Variants in SLC14A2 observed in about 807,000 individuals in gnomAD.
The protein encoded by SLC14A2 is urea transporter 2.
Under a neutral mutation model 104.6 loss-of-function variants are expected in SLC14A2, and 91 were observed. The ratio of observed to expected loss-of-function variants is 0.87; its 90% CI spans 0.73 to 1.04. SLC14A2 has a LOEUF of 1.04. Among genes scored for constraint, SLC14A2 ranks in the 50% least tolerant of loss-of-function variants. The pLI, the probability that SLC14A2 is intolerant of heterozygous loss-of-function variation, is 0.00. For missense variants in SLC14A2, 1,189 were observed against 1,156.0 expected, an observed-to-expected ratio of 1.03 and a Z score of -0.41; for synonymous variants, 476 against 466.4, an observed-to-expected ratio of 1.02 and a Z score of -0.27.
the SLC14A2 span, among the ~76,000 whole-genome samples, chr18:45,185,688 A>T: frequency 0.24 from 36,327 of 152,106 alleles, 4,619 homozygotes; most frequent in Non-Finnish European, 0.3. Flanking sequence ...GAAAGAAAAA[A>T]ATAAAACTAT....
intron 1 of SLC14A2, among the ~76,000 whole-genome samples, chr18:45,242,202 G>A (rs181137106): frequency 1.6e-4 from 25 of 152,212 alleles, no homozygotes; most frequent in Middle Eastern, 3.4e-3. Context: ...GCTCTACTCC[G>A]TTTGTAATTT....
chr18:45,509,021 C>T (rs900581952), intron 2 of SLC14A2, among the ~76,000 whole-genome samples: 2 of 152,100 alleles, frequency 1.3e-5, no homozygotes, highest in Admixed American at 1.3e-4. Context: ...ACCCATGGCC[C>T]CAAACTCAGG....
chr18:45,445,468 T>A (rs2086752790), intron 1 of SLC14A2, among the ~76,000 whole-genome samples: 1 of 152,210 alleles, frequency 6.6e-6, no homozygotes, highest in Admixed American at 6.5e-5. Context: ...AACTGTTTAT[T>A]CTTTAGTGAT....
the SLC14A2 span, among the ~76,000 whole-genome samples, chr18:45,206,418 TACACACACACGTAC>T: frequency 1.3e-5 from 2 of 149,128 alleles, no homozygotes; most frequent in South Asian, 4.3e-4. Context: ...CACATACACA[TACACACACACGTAC>T]ACACACACAC....
At chr18:45,532,686 T>G (rs1243954715) in intron 2 of SLC14A2, among the ~76,000 whole-genome samples, 1 of 152,038 alleles carries the variant, frequency 6.6e-6, no homozygotes, top group Non-Finnish European at 1.5e-5. Context: ...GAATACCCTT[T>G]ATTTCCTTCT....
intron 2 of SLC14A2, among the ~76,000 whole-genome samples, chr18:45,534,274 T>A (rs563448383): frequency 1.3e-5 from 2 of 152,270 alleles, no homozygotes; most frequent in East Asian, 3.9e-4. Context: ...GGAGGGATGA[T>A]TCTACAGTGG....
chr18:45,562,103 A>T (rs2044207774), intron 2 of SLC14A2, among the ~76,000 whole-genome samples: 1 of 152,194 alleles, frequency 6.6e-6, no homozygotes, highest in Non-Finnish European at 1.5e-5. Flanking sequence ...TCCCCGTTCC[A>T]GTTCAAATGC....
At chr18:45,589,749 G>T (rs552229451) in intron 2 of SLC14A2, among the ~76,000 whole-genome samples, 1 of 152,108 alleles carries the variant, frequency 6.6e-6, no homozygotes, top group Admixed American at 6.5e-5. Flanking sequence ...ATATACTGTC[G>T]TTTCAGACTA....
intron 1 of SLC14A2, among the ~76,000 whole-genome samples, chr18:45,319,916 C>A (rs2085168312): frequency 6.6e-6 from 1 of 152,114 alleles, no homozygotes; most frequent in African/African-American, 2.4e-5. Flanking sequence ...TTTTCTATGA[C>A]ATACAAGGAG....
At chr18:45,334,313 C>A (rs530054257) in intron 1 of SLC14A2, among the ~76,000 whole-genome samples, 1 of 152,226 alleles carries the variant, frequency 6.6e-6, no homozygotes, top group East Asian at 1.9e-4. Flanking sequence ...CACTTTAGAC[C>A]CCAACCAGTA....
Position 45,669,968 on chromosome 18 carries a change from C to T in SLC14A2, c.2229+470C>T, listed in dbSNP as rs534115403. On this transcript the variant is annotated intron_variant, in intron 16 of 19. Transcript: ENST00000255226. Reference sequence around the variant, plus strand: ...TGTTCCAACCTCCAGAGTTTATTCCCTTCACTCACCAAAGCTGGGCCTGGT... The same window carrying T: ...TGTTCCAACCTCCAGAGTTTATTCCTTTCACTCACCAAAGCTGGGCCTGGT... Among the ~76,000 whole-genome samples the T allele has an allele frequency of 2.0e-5, 3 of 152,326 alleles. No individual in the cohort carries two copies. The South Asian group carries it at 6.2e-4, about 32-fold the overall frequency.
chr18:45,174,592 C>T, the SLC14A2 span, among the ~76,000 whole-genome samples: 2 of 152,262 alleles, frequency 1.3e-5, no homozygotes, highest in African/African-American at 4.8e-5. Context: ...GTCCCTGCTT[C>T]GTTCCACTTC....
chr18:45,624,442 C>T (rs928600585), intron 1 of SLC14A2, among the ~76,000 whole-genome samples, 189 bp from the exon 2 acceptor site: 44 of 152,198 alleles, frequency 2.9e-4, no homozygotes, highest in South Asian at 1.5e-3. Flanking sequence ...CTTCTGGACG[C>T]GGAAGAATGG....
chr18:45,528,400 C>T (rs2043630221), intron 2 of SLC14A2: 1 of 152,132 alleles, frequency 6.6e-6, no homozygotes, highest in Admixed American at 6.5e-5. Context: ...ATCCTGACAT[C>T]TCAGGATCCT....
chr18:45,176,449 T>A, the SLC14A2 span, among the ~76,000 whole-genome samples: 69 of 152,182 alleles, frequency 4.5e-4, no homozygotes, highest in African/African-American at 1.5e-3. Flanking sequence ...TATAGAAAAT[T>A]TCCACACAAT....
chr18:45,642,505 C>G (rs1439034131), intron 8 of SLC14A2, among the ~76,000 whole-genome samples: 1 of 152,132 alleles, frequency 6.6e-6, no homozygotes, highest in Non-Finnish European at 1.5e-5. Flanking sequence ...AAGAGGTGTT[C>G]CGGACAGAGA....
intron 1 of SLC14A2, among the ~76,000 whole-genome samples, chr18:45,276,763 T>A (rs1017165226): frequency 6.6e-6 from 1 of 152,200 alleles, no homozygotes; most frequent in Non-Finnish European, 1.5e-5. Flanking sequence ...ATTTTATTGG[T>A]CTGCAACCTC....
At chr18:45,207,086 T>G in the SLC14A2 span, among the ~76,000 whole-genome samples, 1 of 152,150 alleles carries the variant, frequency 6.6e-6, no homozygotes, top group Admixed American at 6.5e-5. Context: ...AACATGCATT[T>G]AGGTACATTT....
intron 2 of SLC14A2, among the ~76,000 whole-genome samples, chr18:45,491,776 C>T (rs1214547485): frequency 1.3e-5 from 2 of 152,164 alleles, no homozygotes; most frequent in East Asian, 3.9e-4. Flanking sequence ...CATGCACACA[C>T]ACACACCAAG....
Sources: allele counts gnomAD v4.1 joint callset (sites outside exome capture counted in the v4.1 genomes callset), GRCh38; gene constraint gnomAD v4.1.1; transcripts MANE v1.5; gene names NCBI Gene and HGNC (gene_info 2026-07-23, HGNC 2026-07-21).